Variants in PDE4D observed in about 807,000 individuals in gnomAD.
PDE4D encodes the protein 3',5'-cyclic-AMP phosphodiesterase 4D.
Under a neutral mutation model 87.4 loss-of-function variants are expected in PDE4D, and 24 were observed. The ratio of observed to expected loss-of-function variants is 0.27; its 90% CI spans 0.20 to 0.39. The LOEUF (loss-of-function observed/expected upper bound fraction) is 0.39, where lower values mean the gene tolerates loss of function less well. Ranked by LOEUF, PDE4D falls within the 10% of genes least tolerant of loss-of-function variation. The probability of loss-of-function intolerance (pLI) is 1.00; values close to 1 mark genes in which losing one functional copy is unlikely to be tolerated. For synonymous variants in PDE4D, 384 were observed against 383.2 expected, an observed-to-expected ratio of 1.00 and a Z score of -0.02; for missense variants, 714 against 1,041.0, an observed-to-expected ratio of 0.69 and a Z score of 4.32.
intron 1 of PDE4D, among the ~76,000 whole-genome samples, chr5:59,273,361 A>T (rs1394559870): frequency 6.6e-6 from 1 of 152,122 alleles, no homozygotes; most frequent in African/African-American, 2.4e-5. Context: ...ACATATATAT[A>T]CACACAAACA....
At chr5:59,809,951 T>C (rs1400196400) in intron 1 of PDE4D, among the ~76,000 whole-genome samples, 1 of 152,222 alleles carries the variant, frequency 6.6e-6, no homozygotes, top group Non-Finnish European at 1.5e-5. Flanking sequence ...CAAAGAATAA[T>C]ACACATATTG....
At chr5:59,099,103 A>T (rs1005336314) in intron 5 of PDE4D, among the ~76,000 whole-genome samples, 3 of 152,208 alleles carry the variant, frequency 2.0e-5, no homozygotes, top group Non-Finnish European at 4.4e-5. Context: ...CTAAATGAAC[A>T]AATCTGTAAG....
intron 2 of PDE4D, among the ~76,000 whole-genome samples, chr5:60,180,888 T>A (rs560503358): frequency 4.4e-4 from 67 of 152,246 alleles, no homozygotes; most frequent in South Asian, 2.3e-3. Context: ...GTGAAAAAAA[T>A]CAGTTTATAC....
intron 2 of PDE4D, chr5:60,127,795 G>T (rs564464760): frequency 1.1e-5 from 5 of 465,496 alleles, no homozygotes; most frequent in African/African-American, 9.9e-5. Context: ...GAGTTCCAGA[G>T]GACAAATATG....
At chr5:58,989,675 T>C (rs2153338098) in intron 10 of PDE4D, 80 bp downstream of exon 10, 1 of 804,622 alleles carries the variant, frequency 1.2e-6, no homozygotes, top group Middle Eastern at 2.4e-4. Flanking sequence ...TCTTCTCCAT[T>C]GAAAACCCTT....
intron 1 of PDE4D, among the ~76,000 whole-genome samples, chr5:60,321,602 A>G (rs1756277071): frequency 6.6e-6 from 1 of 152,314 alleles, no homozygotes; most frequent in Non-Finnish European, 1.5e-5. Context: ...CAATATACTA[A>G]ACAGACAACC....
At chr5:59,658,168 A>T (rs1399946869) in intron 1 of PDE4D, among the ~76,000 whole-genome samples, 2 of 152,238 alleles carry the variant, frequency 1.3e-5, no homozygotes, top group Non-Finnish European at 2.9e-5. Context: ...GTATAAGGAT[A>T]ACAAATTTTT....
intron 2 of PDE4D, among the ~76,000 whole-genome samples, chr5:60,095,099 T>C (rs961436307): frequency 6.6e-6 from 1 of 152,216 alleles, no homozygotes; most frequent in Non-Finnish European, 1.5e-5. Context: ...GTGCAGAACG[T>C]GCAGGTTTGT....
At position 59,971,799 on chromosome 5, in the gene PDE4D, C is replaced by T. The variant is rs147613328; in HGVS notation, c.272+16689G>A. Among the ~76,000 whole-genome samples the T allele has an allele frequency of 3.1e-3, 468 of 152,282 alleles. 3 individuals carry two copies. Among genetic ancestry groups the T allele is most frequent in the African/African-American group, 0.01 (431 of 41,546 alleles). Reference sequence around the variant, plus strand: ...ACCTAAACTTCTAGCAAAGTCAGGGCACTTTCTGTACTTTAGTTTCTAGAG... The same window carrying T: ...ACCTAAACTTCTAGCAAAGTCAGGGTACTTTCTGTACTTTAGTTTCTAGAG... On this transcript the variant is annotated intron_variant, in intron 3 of 16. Coordinates refer to the PDE4D transcript ENST00000502484.
At chr5:59,460,804 T>A (rs747008024) in intron 1 of PDE4D, among the ~76,000 whole-genome samples, 2 of 152,154 alleles carry the variant, frequency 1.3e-5, no homozygotes, top group Non-Finnish European at 2.9e-5. Flanking sequence ...GTACCCCAAC[T>A]GGGCAGATTC....
At chr5:60,273,814 G>A (rs555017509) in intron 1 of PDE4D, among the ~76,000 whole-genome samples, 5 of 152,202 alleles carry the variant, frequency 3.3e-5, no homozygotes, top group Middle Eastern at 3.4e-3. Flanking sequence ...ATGAGTTCTA[G>A]TCTGGGCACA....
chr5:59,626,837 C>T (rs796499400), intron 1 of PDE4D, among the ~76,000 whole-genome samples: 2 of 152,218 alleles, frequency 1.3e-5, no homozygotes, highest in African/African-American at 4.8e-5. Context: ...CTAGACCTTG[C>T]AAATATATAT....
intron 1 of PDE4D, among the ~76,000 whole-genome samples, chr5:60,412,947 T>C (rs1583669294): frequency 1.3e-5 from 2 of 152,318 alleles, no homozygotes; most frequent in Non-Finnish European, 2.9e-5. Flanking sequence ...TGCTAATGAC[T>C]AGGTGAATAT....
At chr5:59,562,772 C>T (rs1417273227) in intron 1 of PDE4D, among the ~76,000 whole-genome samples, 1 of 151,874 alleles carries the variant, frequency 6.6e-6, no homozygotes, top group African/African-American at 2.4e-5. Flanking sequence ...AAACTGATAA[C>T]AGTGGCCAAG....
At chr5:60,475,868 C>T (rs1277942382) in intron 1 of PDE4D, among the ~76,000 whole-genome samples, 2 of 147,060 alleles carry the variant, frequency 1.4e-5, no homozygotes, top group East Asian at 2.0e-4. Flanking sequence ...CATCACATAG[C>T]GTTGCAGGGA....
At chr5:60,492,168 C>T (rs909302628), upstream of PDE4D, among the ~76,000 whole-genome samples, 6 of 151,634 alleles carry the variant, frequency 4.0e-5, no homozygotes, top group South Asian at 4.2e-4. Flanking sequence ...AATGGTGGCT[C>T]GCCCCTTTAG....
chr5:59,988,661 C>A lies in PDE4D; in HGVS notation c.99G>T (p.Met33Ile), dbSNP rs937237374. Residue 33 changes from methionine (M) to isoleucine (I), a missense_variant, in exon 3 of 17, where the codon ATG (methionine) becomes ATT (isoleucine). Transcript: ENST00000502484. ...AAAGTCTCCGGACAAGATAGGGTTCCATTCCGCGGAAAGGGTCTTCCTCTT... is the reference window on the plus strand; with the variant it reads ...AAAGTCTCCGGACAAGATAGGGTTCAATTCCGCGGAAAGGGTCTTCCTCTT... 6 of 1,599,182 alleles carry A rather than the reference C, an allele frequency of 3.8e-6. No homozygotes were observed. In the African/African-American group the frequency reaches 8.0e-5, roughly 21 times the overall value.
intron 1 of PDE4D, among the ~76,000 whole-genome samples, chr5:59,428,281 A>G (rs960759366): frequency 6.6e-6 from 1 of 151,712 alleles, no homozygotes; most frequent in African/African-American, 2.4e-5. Flanking sequence ...TTCCTACTTC[A>G]TTTTCTCTAT....
chr5:59,629,864 C>G (rs1303940977), intron 1 of PDE4D, among the ~76,000 whole-genome samples: 2 of 152,124 alleles, frequency 1.3e-5, no homozygotes, highest in East Asian at 1.9e-4. Flanking sequence ...GTGGCAGACT[C>G]AAGACAGAAG....
Sources: gnomAD v4.1 joint callset for allele counts (sites outside exome capture counted in the v4.1 genomes callset) on GRCh38, gnomAD v4.1.1 for gene constraint, MANE v1.5 for transcripts, NCBI Gene and HGNC (gene_info 2026-07-23, HGNC 2026-07-21) for gene names.